ZNF469: variants seen among roughly 807,000 people sequenced by gnomAD.
ZNF469 encodes zinc finger protein 469.
Under a neutral mutation model 1.0 loss-of-function variants are expected in ZNF469, and 1 was observed. That is an observed-to-expected ratio of 1.00 (90% CI 0.35 to 4.73). ZNF469 has a LOEUF of 4.73. Among genes scored for constraint, ZNF469 ranks in the 30% most tolerant of loss-of-function variants. The pLI, the probability that ZNF469 is intolerant of heterozygous loss-of-function variation, is 0.16. For synonymous variants in ZNF469, 2,703 were observed against 2,363.4 expected (o/e 1.14, Z -4.17); for missense variants, 6,100 against 5,356.3 (o/e 1.14, Z -4.33).
At chr16:88,237,924 A>T in the ZNF469 span, among the ~76,000 whole-genome samples, 1 of 152,194 alleles carries the variant, frequency 6.6e-6, no homozygotes, top group East Asian at 1.9e-4. Flanking sequence ...ATCACACAGT[A>T]TCCAGCCTTC....
At chr16:88,397,650 A>G (rs75448955) in intron 1 of ZNF469, among the ~76,000 whole-genome samples, 35,541 of 142,510 alleles carry the variant, frequency 0.25, 4,955 homozygotes, top group African/African-American at 0.39. Context: ...GATGGATATA[A>G]ATAAGAGATA....
At chr16:88,361,536 G>A in the ZNF469 span, among the ~76,000 whole-genome samples, 1 of 151,648 alleles carries the variant, frequency 6.6e-6, no homozygotes, top group African/African-American at 2.4e-5. Flanking sequence ...CTTTGTGAAG[G>A]TCTCTTTAAA....
chr16:88,152,468 C>T, the ZNF469 span, among the ~76,000 whole-genome samples: 8 of 152,128 alleles, frequency 5.3e-5, no homozygotes, highest in African/African-American at 1.7e-4. This position sits in a 1 kb window ranked among gnomAD's most constrained non-coding sequence, Gnocchi z 4.2. Context: ...TGGCTGCCCC[C>T]GCGGTCCCAG....
the ZNF469 span, among the ~76,000 whole-genome samples, chr16:88,287,750 T>G: frequency 6.6e-6 from 1 of 152,350 alleles, no homozygotes; most frequent in Non-Finnish European, 1.5e-5. Context: ...CTTGAAGTTC[T>G]GTTTTAAGCA....
At chr16:88,172,035 C>T in the ZNF469 span, among the ~76,000 whole-genome samples, 1 of 152,072 alleles carries the variant, frequency 6.6e-6, no homozygotes, top group Non-Finnish European at 1.5e-5. Context: ...CACAAGTGTC[C>T]CATGGAGGTG....
At chr16:88,316,545 C>CTTTTTTTTTT in the ZNF469 span, among the ~76,000 whole-genome samples, 40 of 100,984 alleles carry the variant, frequency 4.0e-4, 3 homozygotes, top group African/African-American at 5.0e-4. Context: ...TAGGTGCTGT[C>CTTTTTTTTTT]TTTTTTTTTT....
the ZNF469 span, among the ~76,000 whole-genome samples, chr16:88,368,805 G>C: frequency 2.9e-4 from 44 of 152,258 alleles, no homozygotes; most frequent in Non-Finnish European, 5.6e-4. Flanking sequence ...CCTTCTCAAA[G>C]GCCTGGGCAG....
chr16:88,145,927 C>A, the ZNF469 span, among the ~76,000 whole-genome samples: 2 of 152,244 alleles, frequency 1.3e-5, no homozygotes, highest in African/African-American at 4.8e-5. Context: ...GCGGTCCGGC[C>A]TCTGGGAAGT....
chr16:88,393,051 T>C (rs1448060489), intron 1 of ZNF469, among the ~76,000 whole-genome samples: 1 of 152,234 alleles, frequency 6.6e-6, no homozygotes, highest in African/African-American at 2.4e-5. Flanking sequence ...TGTGGGTGGG[T>C]TGGTCTCTGC....
the ZNF469 span, among the ~76,000 whole-genome samples, chr16:88,243,553 G>A: frequency 9.4e-4 from 143 of 152,236 alleles, no homozygotes; most frequent in Admixed American, 2.0e-3. Context: ...GTTCCCAGGC[G>A]AGCAGAGGGA....
the ZNF469 span, among the ~76,000 whole-genome samples, chr16:88,319,331 G>A: frequency 6.6e-6 from 1 of 152,030 alleles, no homozygotes; most frequent in Admixed American, 6.5e-5. Context: ...CCCTGACTGA[G>A]CCGAAGGGGG....
At chr16:88,239,662 TTTTTGTATATATATATATATATATATA>T in the ZNF469 span, among the ~76,000 whole-genome samples, 1 of 95,422 alleles carries the variant, frequency 1.0e-5, no homozygotes, top group African/African-American at 3.8e-5. Context: ...TTATTTTTTT[TTTTTGTATATATATATATATATATATA>T]TATATATATA....
At chr16:88,267,629 T>C in the ZNF469 span, among the ~76,000 whole-genome samples, 16 of 151,764 alleles carry the variant, frequency 1.1e-4, no homozygotes, top group Admixed American at 2.0e-4. Context: ...TGGCAGGAGG[T>C]CACCACACAG....
chr16:88,434,696 C>T lies in ZNF469; in HGVS notation c.7226C>T (p.Thr2409Ile). The T allele has an allele frequency of 6.4e-7, 1 of 1,550,402 alleles. No homozygotes were observed. Among genetic ancestry groups the T allele is most frequent in the South Asian group, 1.2e-5 (1 of 84,060 alleles). The change falls in exon 3 of 3, where the codon ACA (threonine) becomes ATA (isoleucine). Residue 2409 changes from threonine (T) to isoleucine (I), a missense_variant. Coordinates refer to ENST00000565624, the MANE Select transcript of ZNF469 (RefSeq NM_001367624.2). ...PSTGLGLGRT[T>I]APSSTASDFQ... The stretch of plus-strand genomic sequence containing the variant: ...ACAGGACTGGGCTTGGGAAGAACCA[C>T]AGCCCCAAGCAGCACAGCCAGTGAC...
chr16:88,161,160 C>CAAA, the ZNF469 span, among the ~76,000 whole-genome samples: 13 of 143,802 alleles, frequency 9.0e-5, no homozygotes, highest in Non-Finnish European at 1.5e-4. Flanking sequence ...GACTCCATCT[C>CAAA]AAAAAAAAAA....
the ZNF469 span, among the ~76,000 whole-genome samples, chr16:88,349,922 C>G: frequency 1.3e-5 from 2 of 150,854 alleles, no homozygotes; most frequent in Non-Finnish European, 2.9e-5. Context: ...ACACTACACA[C>G]CACATACCAC....
the ZNF469 span, among the ~76,000 whole-genome samples, chr16:88,334,068 C>CTG: frequency 8.1e-5 from 12 of 148,402 alleles, no homozygotes; most frequent in Admixed American, 2.0e-4. Context: ...CTGTGTGTGT[C>CTG]TGTGTGTGTG....
the ZNF469 span, among the ~76,000 whole-genome samples, chr16:88,107,121 G>C: frequency 8.6e-5 from 13 of 151,052 alleles, no homozygotes; most frequent in African/African-American, 3.2e-4. Flanking sequence ...ACTGTCCCAG[G>C]CTTCAGACAG....
At chr16:88,294,268 C>G in the ZNF469 span, among the ~76,000 whole-genome samples, 1 of 152,242 alleles carries the variant, frequency 6.6e-6, no homozygotes, top group Non-Finnish European at 1.5e-5. Context: ...TGCCAAACCA[C>G]TGCCCAAGGT....
Sources: allele counts gnomAD v4.1 joint callset (sites outside exome capture counted in the v4.1 genomes callset), GRCh38; gene constraint gnomAD v4.1.1; non-coding constraint Gnocchi (gnomAD v3.1); transcripts MANE v1.5; gene names NCBI Gene and HGNC (gene_info 2026-07-23, HGNC 2026-07-21).